Variants in RABEP1 observed in about 807,000 individuals in gnomAD.
RABEP1 encodes the protein rab GTPase-binding effector protein 1.
Under a neutral mutation model 123.4 loss-of-function variants are expected in RABEP1, and 51 were observed. That is an observed-to-expected ratio of 0.41 (90% CI 0.33 to 0.52). RABEP1 has a LOEUF of 0.52. Ranked by LOEUF, RABEP1 falls within the 20% of genes least tolerant of loss-of-function variation. The probability of loss-of-function intolerance (pLI) is 0.16; values close to 1 mark genes in which losing one functional copy is unlikely to be tolerated. For missense variants in RABEP1, 888 were observed against 996.3 expected, an observed-to-expected ratio of 0.89 and a Z score of 1.46; for synonymous variants, 347 against 355.2, an observed-to-expected ratio of 0.98 and a Z score of 0.26.
chr17:5,284,109 C>T (rs1015736870), intron 1 of RABEP1: 1 of 152,298 alleles, frequency 6.6e-6, no homozygotes, highest in Admixed American at 6.5e-5. Context: ...TCTTGAGTTG[C>T]ATGGAAAGAA....
chr17:5,361,467 T>A lies in RABEP1; in HGVS notation c.1355T>A (p.Phe452Tyr), dbSNP rs370978186. The change falls in exon 9 of 18, where the codon TTT (phenylalanine) becomes TAT (tyrosine). Residue 452 changes from phenylalanine to tyrosine, a missense_variant. Physicochemically the swap from Phe to Tyr is conservative, Grantham distance 22. Coordinates refer to ENST00000537505, the MANE Select transcript of RABEP1 (RefSeq NM_004703.6). Reference protein sequence around the residue: ...LVGADSVSENFDTASLGSLQM... With the variant: ...LVGADSVSENYDTASLGSLQM... ...GGAGCAGATTCAGTGTCTGAGAACT[T>A]TGATACTGCATCCCTTGGGTCACTC... 27 of 1,614,192 alleles carry A rather than the reference T, an allele frequency of 1.7e-5. No individual in the cohort carries two copies. The highest frequency in any genetic ancestry group is 2.3e-5 in the Non-Finnish European group (27 of 1,180,034).
chr17:5,367,443 T>G (rs915156637), intron 11 of RABEP1, among the ~76,000 whole-genome samples: 8 of 151,736 alleles, frequency 5.3e-5, no homozygotes, highest in South Asian at 2.1e-4. Flanking sequence ...GGCTAATTTT[T>G]TATTTTTAGT....
At chr17:5,312,563 G>A (rs886725502) in intron 2 of RABEP1, among the ~76,000 whole-genome samples, 1 of 152,174 alleles carries the variant, frequency 6.6e-6, no homozygotes, top group South Asian at 2.1e-4. Flanking sequence ...ATTACTGACT[G>A]TGGTATGGAA....
At chr17:5,299,544 G>T (rs35005573) in intron 1 of RABEP1, among the ~76,000 whole-genome samples, 87,166 of 150,930 alleles carry the variant, frequency 0.58, 26,269 homozygotes, top group East Asian at 0.96. Flanking sequence ...CCACTGAAGT[G>T]TGTTTTCAGT....
intron 5 of RABEP1, among the ~76,000 whole-genome samples, chr17:5,345,182 A>G (rs978508685): frequency 1.3e-5 from 2 of 150,326 alleles, no homozygotes; most frequent in Non-Finnish European, 3.0e-5. Flanking sequence ...TGTATGTGAA[A>G]CTCTTCCGTT....
At position 5,373,395 on chromosome 17, in the gene RABEP1, C is replaced by T. The variant is rs1910686813; in HGVS notation, c.1966C>T (p.His656Tyr). Residue 656 changes from histidine to tyrosine, a missense_variant, in exon 13 of 18, where the codon CAC becomes TAC. Transcript: ENST00000537505. ...QKDNDSLQGK[H>Y]SLHVSLQQAE... Reference sequence around the variant, plus strand: ...AGATAATGACAGTCTCCAGGGAAAGCACAGCCTGCATGTGTCATTACAGCA... The same window carrying T: ...AGATAATGACAGTCTCCAGGGAAAGTACAGCCTGCATGTGTCATTACAGCA... 3.1e-6 allele frequency: 5 copies of T among 1,613,218 alleles called. No individual in the cohort carries two copies. Among genetic ancestry groups the T allele is most frequent in the Non-Finnish European group, 4.2e-6 (5 of 1,179,876 alleles).
chr17:5,373,277 C>T, intron 12 of RABEP1, 37 bp from the exon 13 acceptor site: 1 of 1,596,498 alleles, frequency 6.3e-7, no homozygotes, highest in Non-Finnish European at 8.5e-7. Context: ...ACCGGATCTA[C>T]CTTTCTGGCT....
chr17:5,350,473 G>A lies in RABEP1; in HGVS notation c.807G>A (p.Glu269=), dbSNP rs1402229040. 1 of 1,613,632 alleles carries A rather than the reference G, an allele frequency of 6.2e-7. No individual in the cohort carries two copies. Among genetic ancestry groups the A allele is most frequent in the South Asian group, 1.1e-5 (1 of 90,934 alleles). ...LHEVCHLLEQ[E]RQQHNQLKHT... Reference sequence around the variant, plus strand: ...CAGTTTGCCATCTCTTGGAGCAAGAGCGACAACAACACAACCAGTTAAAAC... The same window carrying A: ...CAGTTTGCCATCTCTTGGAGCAAGAACGACAACAACACAACCAGTTAAAAC... The change falls in exon 7 of 18, where the codon GAG becomes GAA. Residue 269 remains glutamate (E), a synonymous_variant. Transcript: ENST00000537505.
At chr17:5,382,253 T>C (rs1035251238) in intron 17 of RABEP1, among the ~76,000 whole-genome samples, 2 of 151,542 alleles carry the variant, frequency 1.3e-5, no homozygotes, top group African/African-American at 4.8e-5. Flanking sequence ...AGCTAATTTT[T>C]GTATTTTTAG....
chr17:5,366,364 A>G (rs2144690177), intron 11 of RABEP1, among the ~76,000 whole-genome samples: 1 of 152,100 alleles, frequency 6.6e-6, no homozygotes, highest in Non-Finnish European at 1.5e-5. Flanking sequence ...GTCTTTAAAA[A>G]CTGATTTGTT....
Position 5,361,216 on chromosome 17 carries a change from A to T in RABEP1, c.1104A>T (p.Leu368Phe). Residue 368 changes from leucine (L) to phenylalanine (F), a missense_variant, in exon 9 of 18, where the codon TTA (leucine) becomes TTT (phenylalanine). Physicochemically the swap from Leu to Phe is conservative, Grantham distance 22. Coordinates refer to ENST00000537505, the MANE Select transcript of RABEP1 (RefSeq NM_004703.6). ...SAQLSNEEEH[L>F]DSTRGSVHSL... Reference sequence around the variant, plus strand: ...GTATTTTCACATTTCAGGAGCATTTAGACAGCACCCGTGGCTCAGTTCATT... The same window carrying T: ...GTATTTTCACATTTCAGGAGCATTTTGACAGCACCCGTGGCTCAGTTCATT... 1.2e-6 allele frequency: 2 copies of T among 1,613,118 alleles called. No homozygotes were observed.
chr17:5,302,803 T>C (rs1453311279), intron 1 of RABEP1, among the ~76,000 whole-genome samples: 2 of 152,128 alleles, frequency 1.3e-5, no homozygotes, highest in African/African-American at 4.8e-5. Flanking sequence ...AATGGGATTA[T>C]AGATGTGAGC....
intron 5 of RABEP1, among the ~76,000 whole-genome samples, chr17:5,339,089 TGA>T (rs1462191445): frequency 1.3e-5 from 2 of 151,952 alleles, no homozygotes; most frequent in Non-Finnish European, 1.5e-5. Context: ...CCCGGGAGTT[TGA>T]GACTACAGTG....
intron 3 of RABEP1, among the ~76,000 whole-genome samples, chr17:5,334,615 C>T (rs1567529432): frequency 6.6e-6 from 1 of 152,188 alleles, no homozygotes; most frequent in Non-Finnish European, 1.5e-5. Flanking sequence ...ATCTGCCCGT[C>T]TGCCTCCCAC....
At chr17:5,287,148 ATCT>A (rs955116115) in intron 1 of RABEP1, among the ~76,000 whole-genome samples, 3 of 152,292 alleles carry the variant, frequency 2.0e-5, no homozygotes, top group Middle Eastern at 3.4e-3. Context: ...GTGGAGGCAG[ATCT>A]TCTTGGGCCC....
chr17:5,359,781 G>C (rs781334465), intron 8 of RABEP1, among the ~76,000 whole-genome samples: 3 of 152,150 alleles, frequency 2.0e-5, no homozygotes, highest in Non-Finnish European at 2.9e-5. Context: ...ACAACAAAAC[G>C]TAGAAAGGAT....
At chr17:5,318,655 T>C (rs1426918556) in intron 2 of RABEP1, among the ~76,000 whole-genome samples, 1 of 152,224 alleles carries the variant, frequency 6.6e-6, no homozygotes, top group African/African-American at 2.4e-5. Context: ...TCTGAGTCTC[T>C]ATTCTCTATA....
chr17:5,338,548 A>C (rs1907302743), intron 5 of RABEP1, among the ~76,000 whole-genome samples: 1 of 152,264 alleles, frequency 6.6e-6, no homozygotes, highest in Non-Finnish European at 1.5e-5. Flanking sequence ...GGCCTGGGCA[A>C]CAGGAGCGAA....
chr17:5,353,365 CCTT>C (rs768528310), intron 7 of RABEP1, among the ~76,000 whole-genome samples: 1 of 152,178 alleles, frequency 6.6e-6, no homozygotes, highest in Non-Finnish European at 1.5e-5. Flanking sequence ...TTGTTTTTCT[CCTT>C]CTTTAGAACC....
Sources: allele counts gnomAD v4.1 joint callset (sites outside exome capture counted in the v4.1 genomes callset), GRCh38; gene constraint gnomAD v4.1.1; transcripts MANE v1.5; gene names NCBI Gene and HGNC (gene_info 2026-07-23, HGNC 2026-07-21).